NPSR1: variants seen among roughly 807,000 people sequenced by gnomAD.
NPSR1 encodes neuropeptide S receptor.
Under a neutral mutation model 46.9 loss-of-function variants are expected in NPSR1, and 48 were observed. The observed-to-expected ratio is 1.02, with a 90% CI of 0.81 to 1.30. NPSR1 has a LOEUF of 1.30. Among genes scored for constraint, NPSR1 ranks in the 50% most tolerant of loss-of-function variants. The pLI, the probability that NPSR1 is intolerant of heterozygous loss-of-function variation, is 0.00. For synonymous variants in NPSR1, 176 were observed against 168.1 expected, an observed-to-expected ratio of 1.05 and a Z score of -0.36; for missense variants, 450 against 449.5, an observed-to-expected ratio of 1.00 and a Z score of -0.01.
At chr7:34,738,299 C>T (rs936447925) in intron 2 of NPSR1, among the ~76,000 whole-genome samples, 3 of 152,312 alleles carry the variant, frequency 2.0e-5, no homozygotes, top group South Asian at 2.1e-4. Context: ...GTGGAATTCA[C>T]AGGTAAAACA....
At chr7:34,746,067 C>T (rs965804523) in intron 2 of NPSR1, among the ~76,000 whole-genome samples, 1 of 152,230 alleles carries the variant, frequency 6.6e-6, no homozygotes, top group Non-Finnish European at 1.5e-5. Flanking sequence ...CTCAGAACCA[C>T]TTCACTAAAG....
intron 8 of NPSR1, among the ~76,000 whole-genome samples, chr7:34,859,017 G>A (rs1227284462): frequency 6.6e-6 from 1 of 151,662 alleles, no homozygotes; most frequent in Non-Finnish European, 1.5e-5. Context: ...TGCTCTAGGT[G>A]GCAGGTTCAA....
intron 4 of NPSR1, among the ~76,000 whole-genome samples, chr7:34,822,344 A>G (rs567431696): frequency 1.3e-5 from 2 of 152,162 alleles, no homozygotes; most frequent in Admixed American, 6.5e-5. Context: ...GTCATGGAGC[A>G]GGGAGAAACC....
intron 2 of NPSR1, among the ~76,000 whole-genome samples, chr7:34,697,463 T>A (rs918070787): frequency 6.6e-6 from 1 of 151,918 alleles, no homozygotes. Flanking sequence ...CCAGTATCCA[T>A]GGAGGATTAG....
At chr7:34,777,929 C>A (rs1043476841) in intron 2 of NPSR1, among the ~76,000 whole-genome samples, 16 of 152,200 alleles carry the variant, frequency 1.1e-4, no homozygotes, top group African/African-American at 3.6e-4. Context: ...ATAGATCATA[C>A]ACTTGCTGTT....
intron 2 of NPSR1, among the ~76,000 whole-genome samples, chr7:34,775,102 C>T (rs1389717140): frequency 1.3e-5 from 2 of 152,144 alleles, no homozygotes; most frequent in African/African-American, 4.8e-5. Context: ...CCTACCAATG[C>T]CTCTAATGTA....
intron 4 of NPSR1, among the ~76,000 whole-genome samples, chr7:34,818,215 C>T (rs1205938198): frequency 6.6e-6 from 1 of 152,086 alleles, no homozygotes; most frequent in Non-Finnish European, 1.5e-5. Flanking sequence ...GCAACTTCAC[C>T]AAAGTCTCAG....
In NPSR1 at chr7:34,709,647, A is replaced by G. The variant is rs73326718; in HGVS notation, c.280+24963A>G. ...AATTGTCACATTCTATTCTACTATAACTTACTTATTTATTGAATTTACCAC... is the reference window on the plus strand; with the variant it reads ...AATTGTCACATTCTATTCTACTATAGCTTACTTATTTATTGAATTTACCAC... On this transcript the variant is annotated intron_variant, in intron 2 of 8. Coordinates refer to ENST00000360581, the MANE Select transcript of NPSR1 (RefSeq NM_207172.2). Among the ~76,000 whole-genome samples the G allele has an allele frequency of 9.5e-4, 144 of 152,194 alleles. 1 individual carries two copies. Among genetic ancestry groups the G allele is most frequent in the African/African-American group, 3.3e-3 (138 of 41,520 alleles).
chr7:34,754,279 C>T (rs2128725550), intron 2 of NPSR1, among the ~76,000 whole-genome samples: 1 of 152,298 alleles, frequency 6.6e-6, no homozygotes, highest in South Asian at 2.1e-4. Context: ...GTACCTCAGT[C>T]TCTGAATAGC....
At chr7:34,834,204 G>C (rs1790260200) in intron 5 of NPSR1, 180 bp from the exon 6 acceptor site, 1 of 598,144 alleles carries the variant, frequency 1.7e-6, no homozygotes. Context: ...ACTCCATCCA[G>C]TGGATCCTCA....
At chr7:34,663,769 C>T (rs1277545242) in intron 1 of NPSR1, among the ~76,000 whole-genome samples, 2 of 152,206 alleles carry the variant, frequency 1.3e-5, no homozygotes, top group African/African-American at 4.8e-5. Context: ...TTATTCCAGG[C>T]TCTCTGTTCT....
rs542061757 is a variant in NPSR1, at chr7:34,721,832, A to G, written c.280+37148A>G. Among the ~76,000 whole-genome samples, 5 of 152,332 alleles carry G rather than the reference A, an allele frequency of 3.3e-5. No homozygotes were observed. In the East Asian group the frequency reaches 9.6e-4, roughly 29 times the overall value. On this transcript the variant is annotated intron_variant, in intron 2 of 8. Transcript: ENST00000360581. ...AATAGTTAAAGGTGTTCCAGAACCA[A>G]TGGAGAGTTGGAACAGAATTAAAGT...
chr7:34,699,602 G>A (rs1035561906), intron 2 of NPSR1, among the ~76,000 whole-genome samples: 4 of 152,166 alleles, frequency 2.6e-5, no homozygotes, highest in East Asian at 1.9e-4. Flanking sequence ...AGATGTCACC[G>A]TCTCACTGCA....
At chr7:34,737,618 A>G (rs1264060900) in intron 2 of NPSR1, among the ~76,000 whole-genome samples, 1 of 152,110 alleles carries the variant, frequency 6.6e-6, no homozygotes, top group Admixed American at 6.5e-5. Context: ...ACAACTGGCC[A>G]CTCCCTCTTC....
chr7:34,823,238 C>T lies in NPSR1; in HGVS notation c.479-4163C>T, dbSNP rs1789645503. Reference sequence around the variant, plus strand: ...AAACCCTGTCTCTACTAAAAAAATACAAAAATTAGCTGGGCATGGTGGCAT... The same window carrying T: ...AAACCCTGTCTCTACTAAAAAAATATAAAAATTAGCTGGGCATGGTGGCAT... On this transcript the variant is annotated intron_variant, in intron 4 of 8. Coordinates refer to ENST00000360581, the MANE Select transcript of NPSR1 (RefSeq NM_207172.2). Among the ~76,000 whole-genome samples, 6 of 151,588 alleles carry T rather than the reference C, an allele frequency of 4.0e-5. No homozygotes were observed. The South Asian group carries it at 1.2e-3, about 32-fold the overall frequency.
intron 6 of NPSR1, among the ~76,000 whole-genome samples, chr7:34,834,805 G>C (rs1228690931): frequency 6.6e-6 from 1 of 152,184 alleles, no homozygotes; most frequent in Non-Finnish European, 1.5e-5. Context: ...GTCCAAGGAG[G>C]ACATCACACC....
At chr7:34,834,683 G>A (rs920135427) in intron 6 of NPSR1, among the ~76,000 whole-genome samples, 1 of 152,142 alleles carries the variant, frequency 6.6e-6, no homozygotes, top group African/African-American at 2.4e-5. Context: ...CTTTGGACCT[G>A]GTCAAGCTAT....
At chr7:34,848,757 A>C in intron 8 of NPSR1, 94 bp downstream of exon 8, 1 of 1,087,376 alleles carries the variant, frequency 9.2e-7, no homozygotes, top group Non-Finnish European at 1.3e-6. Flanking sequence ...ACTCTCCAGC[A>C]GGTTACAGGA....
intron 8 of NPSR1, among the ~76,000 whole-genome samples, chr7:34,873,574 G>A (rs1322505948): frequency 2.0e-5 from 3 of 151,596 alleles, no homozygotes; most frequent in Admixed American, 6.6e-5. Flanking sequence ...CAGAGCAGGA[G>A]CAAGAGAGAG....
Sources: gnomAD v4.1 joint callset for allele counts (sites outside exome capture counted in the v4.1 genomes callset) on GRCh38, gnomAD v4.1.1 for gene constraint, MANE v1.5 for transcripts, NCBI Gene and HGNC (gene_info 2026-07-23, HGNC 2026-07-21) for gene names.